The following CCDC149 variants were observed in gnomAD, a reference collection of about 807,000 sequenced individuals.
CCDC149 encodes the protein coiled-coil domain containing 149.
Under a neutral mutation model 59.9 loss-of-function variants are expected in CCDC149, and 45 were observed. That is an observed-to-expected ratio of 0.75 (90% CI 0.59 to 0.96). The LOEUF is 0.96. Among genes scored for constraint, CCDC149 ranks in the 40% least tolerant of loss-of-function variants. The probability of loss-of-function intolerance (pLI) is 0.00; values close to 1 mark genes in which losing one functional copy is unlikely to be tolerated. For synonymous variants in CCDC149, 245 were observed against 260.6 expected, an observed-to-expected ratio of 0.94 and a Z score of 0.58; for missense variants, 584 against 664.7, an observed-to-expected ratio of 0.88 and a Z score of 1.33.
rs1464827670 is a variant in CCDC149 at position 24,808,075 on chromosome 4, C to G, written c.*314G>C. On this transcript the variant is annotated 3_prime_UTR_variant, in exon 13 of 13. Transcript: ENST00000635206. ...CAAAAACATCTTATCTCTGATAAAA[C>G]AAAAGCTGACAGAAAGACGGATGCT... 4.4e-6 allele frequency: 1 copy of G among 226,056 alleles called. No individual in the cohort carries two copies. The highest frequency in any genetic ancestry group is 8.5e-6 in the Non-Finnish European group (1 of 117,134). The allele number at this position is 226,056 out of a possible 1,614,324, so 14.0% of individuals were successfully genotyped here. A position where few individuals can be genotyped will look rare whatever the true frequency, so the allele number is the denominator to read the frequency against.
rs1717772825 is a variant in CCDC149 at position 24,853,151 on chromosome 4, G to C, written c.293C>G (p.Ser98Cys). 2 of 1,612,858 alleles carry C rather than the reference G, an allele frequency of 1.2e-6. No homozygotes were observed. Among genetic ancestry groups the C allele is most frequent in the Admixed American group, 3.3e-5 (2 of 59,984 alleles). ...TCCCAGATGTTTATTTCGGTCCTGAGAATCTCTCAATAGTTGTGCAAGATT... is the reference window on the plus strand; with the variant it reads ...TCCCAGATGTTTATTTCGGTCCTGACAATCTCTCAATAGTTGTGCAAGATT... Residue 98 changes from serine (S) to cysteine (C), a missense_variant, in exon 4 of 13, where the codon TCT (serine) becomes TGT (cysteine). By Grantham distance (112) the Ser-to-Cys change is moderately radical (BLOSUM62 -1). Transcript: ENST00000635206.
intron 1 of CCDC149, among the ~76,000 whole-genome samples, chr4:24,935,002 G>A (rs1191909427): frequency 2.0e-5 from 3 of 152,268 alleles, no homozygotes; most frequent in African/African-American, 4.8e-5. Context: ...TTATATATCC[G>A]AAGGATCCCA....
chr4:24,808,262 T>A lies in CCDC149; in HGVS notation c.*127A>T, dbSNP rs1019229. ...TATTCACAGTTTGCAACAGGATCAG[T>A]GCGTTTTCTCACTTGCAGACTCGGA... On this transcript the variant is annotated 3_prime_UTR_variant, in exon 13 of 13. Coordinates refer to ENST00000635206, the MANE Select transcript of CCDC149 (RefSeq NM_001330643.2). The A allele has an allele frequency of 2.7e-6, 2 of 753,652 alleles. No homozygotes were observed. The highest frequency in any genetic ancestry group is 2.9e-5 in the East Asian group (1 of 34,508). 46.7% of individuals were successfully genotyped at this position (753,652 alleles called of 1,614,324 possible).
At chr4:24,958,454 C>G (rs1045318529) in intron 1 of CCDC149, among the ~76,000 whole-genome samples, 2 of 152,092 alleles carry the variant, frequency 1.3e-5, no homozygotes, top group African/African-American at 2.4e-5. Flanking sequence ...GACCAAAGAC[C>G]CACTTTACAA....
At chr4:24,829,973 G>C (rs1475848609) in intron 9 of CCDC149, 1 of 152,800 alleles carries the variant, frequency 6.5e-6, no homozygotes, top group Admixed American at 6.5e-5. Context: ...GCCAGAAGAA[G>C]GGAGGAGGTT....
intron 1 of CCDC149, among the ~76,000 whole-genome samples, chr4:24,941,865 A>T (rs974732477): frequency 1.3e-5 from 2 of 152,214 alleles, no homozygotes; most frequent in African/African-American, 2.4e-5. Context: ...GAATCTCTGA[A>T]TAGACCAATA....
chr4:24,926,554 A>T (rs1032698544), intron 1 of CCDC149, among the ~76,000 whole-genome samples: 20 of 152,154 alleles, frequency 1.3e-4, no homozygotes, highest in Non-Finnish European at 2.9e-4. Context: ...TTTCTGTTAC[A>T]AATGCCTCCC....
rs372588258 is a variant in CCDC149 at position 24,858,443 on chromosome 4, T to C, written c.265-5264A>G. ...ATCAAGCGAGAGCCAACATTAAAGG[T>C]TGACATTTTTGCTCTGATAATAGTG... On this transcript the variant is annotated intron_variant, in intron 3 of 12. Transcript: ENST00000635206. Among the ~76,000 whole-genome samples, 49 of 152,308 alleles carry C rather than the reference T, an allele frequency of 3.2e-4. No individual in the cohort carries two copies. The South Asian group carries it at 6.2e-3, about 19-fold the overall frequency.
At chr4:24,813,497 T>TATATATATATATATATACAC (rs1553846356) in intron 12 of CCDC149, among the ~76,000 whole-genome samples, 1 of 15,422 alleles carries the variant, frequency 6.5e-5, no homozygotes, top group African/African-American at 1.4e-4. Flanking sequence ...GGAATATATA[T>TATATATATATATATATACAC]ATATATATAT....
chr4:24,963,183 T>G (rs907311428), intron 1 of CCDC149, among the ~76,000 whole-genome samples: 1 of 151,962 alleles, frequency 6.6e-6, no homozygotes, highest in Non-Finnish European at 1.5e-5. Context: ...CTGGGTGGTG[T>G]TAGCAAGGCC....
chr4:24,856,850 T>C (rs895072600), intron 3 of CCDC149, among the ~76,000 whole-genome samples: 4 of 152,172 alleles, frequency 2.6e-5, no homozygotes, highest in Admixed American at 1.3e-4. Context: ...GCAGCAAACA[T>C]AATCCCTCCC....
chr4:24,942,178 C>A (rs1385686610), intron 1 of CCDC149, among the ~76,000 whole-genome samples: 1 of 151,966 alleles, frequency 6.6e-6, no homozygotes, highest in Non-Finnish European at 1.5e-5. Context: ...TCCAGCAACA[C>A]ATCAAAAAGC....
In CCDC149 at chr4:24,912,851, C is replaced by T; in HGVS notation, c.29G>A (p.Arg10Gln). 1 of 1,379,258 alleles carries T rather than the reference C, an allele frequency of 7.3e-7. No individual in the cohort carries two copies. The highest frequency in any genetic ancestry group is 1.4e-5 in the South Asian group (1 of 70,434). 85.4% of individuals were successfully genotyped at this position (1,379,258 alleles called of 1,614,324 possible). A position where few individuals can be genotyped will look rare whatever the true frequency, so the allele number is the denominator to read the frequency against. ...CAGCCCCTGCCAGTCGCTCTCAGTC[C>T]GGTCGCCGTTCATGGCCTCCTCCTC... The change falls in exon 1 of 13, where the codon CGG becomes CAG. Residue 10 changes from arginine to glutamine, a missense_variant. By Grantham distance (43) the Arg-to-Gln change is conservative. Transcript: ENST00000635206.
intron 3 of CCDC149, among the ~76,000 whole-genome samples, chr4:24,858,170 A>G (rs757769523): frequency 4.6e-5 from 7 of 152,232 alleles, no homozygotes; most frequent in Non-Finnish European, 1.0e-4. Flanking sequence ...GTGCCTGCTT[A>G]TAATTTATCA....
At chr4:24,861,850 G>A (rs1718409639) in intron 3 of CCDC149, among the ~76,000 whole-genome samples, 1 of 152,174 alleles carries the variant, frequency 6.6e-6, no homozygotes, top group Non-Finnish European at 1.5e-5. Flanking sequence ...AGATGGACAT[G>A]AAGGGAATCA....
chr4:24,808,783 G>A lies in CCDC149; in HGVS notation c.1229C>T (p.Ala410Val). The A allele has an allele frequency of 6.4e-7, 1 of 1,550,840 alleles. No homozygotes were observed. The highest frequency in any genetic ancestry group is 1.2e-5 in the South Asian group (1 of 83,934). Residue 410 changes from alanine to valine, a missense_variant, in exon 13 of 13, where the codon GCC becomes GTC. Transcript: ENST00000635206. ...AGGCGCTGTCAACGCCTCAGCAGCG[G>A]CACAACTTTCATCTTCTTCTTGCTT...
intron 1 of CCDC149, among the ~76,000 whole-genome samples, chr4:24,979,355 G>T (rs938700309): frequency 3.9e-5 from 6 of 152,160 alleles, no homozygotes; most frequent in African/African-American, 1.4e-4. Context: ...GTCTGCAAGT[G>T]ATCTTCAGGA....
intron 1 of CCDC149, among the ~76,000 whole-genome samples, chr4:24,928,966 A>G (rs57877087): frequency 0.012 from 1,753 of 152,324 alleles, 32 homozygotes; most frequent in African/African-American, 0.04. Context: ...TTCATCTGCC[A>G]GGTTGCTACA....
chr4:24,833,586 T>C (rs1577392621), intron 8 of CCDC149, among the ~76,000 whole-genome samples: 1 of 152,222 alleles, frequency 6.6e-6, no homozygotes, highest in Middle Eastern at 3.4e-3. Context: ...ATCACGCCAC[T>C]GCACTCCAGC....
Sources: allele counts gnomAD v4.1 joint callset (sites outside exome capture counted in the v4.1 genomes callset), GRCh38; gene constraint gnomAD v4.1.1; transcripts MANE v1.5; gene names NCBI Gene and HGNC (gene_info 2026-07-23, HGNC 2026-07-21).